EVPL: variants seen among roughly 807,000 people sequenced by gnomAD.
EVPL encodes the protein envoplakin.
A neutral mutation model predicts 129.7 loss-of-function variants in EVPL; 94 were observed. That is an observed-to-expected ratio of 0.72 (90% CI 0.61 to 0.86). The LOEUF (loss-of-function observed/expected upper bound fraction) is 0.86, where lower values mean the gene tolerates loss of function less well. EVPL is among the 40% of genes least tolerant of loss of function. The pLI is 0.00. For synonymous variants in EVPL, 1,172 were observed against 1,191.1 expected, an observed-to-expected ratio of 0.98 and a Z score of 0.33; for missense variants, 2,625 against 2,721.1, an observed-to-expected ratio of 0.96 and a Z score of 0.79.
At position 76,023,622 on chromosome 17, in the gene EVPL, C is replaced by T; in HGVS notation, c.231G>A (p.Leu77=). ...TGCGGCCCGTCTCCTGCTGGTGCTGCAGGGCCTGGCTCTGCTCACTGTTCA... is the reference window on the plus strand; with the variant it reads ...TGCGGCCCGTCTCCTGCTGGTGCTGTAGGGCCTGGCTCTGCTCACTGTTCA... ...DRLNSEQSQA[L]QHQQETGRSL... The change falls in exon 3 of 22, where the codon CTG becomes CTA. Residue 77 remains leucine (L), a synonymous_variant. Transcript: ENST00000301607. The T allele has an allele frequency of 1.9e-6, 3 of 1,602,242 alleles. No individual in the cohort carries two copies. Among genetic ancestry groups the T allele is most frequent in the Non-Finnish European group, 2.6e-6 (3 of 1,175,368 alleles).
At position 76,010,427 on chromosome 17, in the gene EVPL, C is replaced by T. The variant is rs774884145; in HGVS notation, c.2778G>A (p.Lys926=). Residue 926 remains lysine (K), a synonymous_variant, in exon 22 of 22, where the codon AAG becomes AAA. Coordinates refer to ENST00000301607, the MANE Select transcript of EVPL (RefSeq NM_001988.4). The part of the protein sequence containing the change: ...ALKAQLEEER[K]RVARVQHELE... ...GCTCATGCTGCACCCGGGCCACCCG[C>T]TTCCTCTCCTCTTCCAGCTGGGCCT... 11 of 1,613,936 alleles carry T rather than the reference C, an allele frequency of 6.8e-6. No homozygotes were observed. Among genetic ancestry groups the T allele is most frequent in the Admixed American group, 6.7e-5 (4 of 60,006 alleles).
At position 76,023,313 on chromosome 17, in the gene EVPL, T is replaced by C; in HGVS notation, c.459A>G (p.Ala153=). The C allele has an allele frequency of 6.2e-7, 1 of 1,613,966 alleles. No individual in the cohort carries two copies. Among genetic ancestry groups the C allele is most frequent in the Non-Finnish European group, 8.5e-7 (1 of 1,180,006 alleles). Residue 153 remains alanine (A), a synonymous_variant, in exon 4 of 22, where the codon GCA becomes GCG. Transcript: ENST00000301607. The part of the protein sequence containing the change: ...PPDVGPRVDW[A]RVLEQKQKQV... Reference sequence around the variant, plus strand: ...TGACCTGTTTCTGCTCCAGCACGCGTGCCCAGTCGACCCTGGGTCCCACGT... The same window carrying C: ...TGACCTGTTTCTGCTCCAGCACGCGCGCCCAGTCGACCCTGGGTCCCACGT...
Position 76,008,239 on chromosome 17 carries a change from CCTT to C in EVPL, c.4963_4965del (p.Lys1655del), listed in dbSNP as rs769379446. 10 of 1,613,712 alleles carry C rather than the reference CCTT, an allele frequency of 6.2e-6. No homozygotes were observed. The East Asian group carries it at 1.1e-4, about 18-fold the overall frequency. On this transcript the variant is annotated inframe_deletion, in exon 22 of 22. Coordinates refer to ENST00000301607, the MANE Select transcript of EVPL (RefSeq NM_001988.4). This position sits in a 1 kb window ranked among gnomAD's most constrained non-coding sequence, Gnocchi z 7.4. ...GCGTGGAGGTCCCGGAGCGTCCGCT[CCTT>C]CTCGTAGATCTGGTCCTTCTCGCGG...
chr17:76,015,422 G>A (rs771099435), intron 15 of EVPL, 28 bp downstream of exon 15: 2 of 1,606,544 alleles, frequency 1.2e-6, no homozygotes, highest in South Asian at 1.1e-5. Context: ...GCTGCCCTGC[G>A]TGGCTGCCCT....
At position 76,007,422 on chromosome 17, in the gene EVPL, C is replaced by CG; in HGVS notation, c.5782dup (p.Arg1928ProfsTer39). On this transcript the variant is annotated frameshift_variant, in exon 22 of 22. Coordinates refer to ENST00000301607, the MANE Select transcript of EVPL (RefSeq NM_001988.4). LOFTEE classifies it low-confidence loss of function (END_TRUNC). The surrounding 1 kb of genome is among the most constrained non-coding windows in gnomAD (Gnocchi z 8.8). Reference sequence around the variant, plus strand: ...CTGCAGGTGTGGGAGCACGCTCTCCCGGGGCATCCAGCCCTTCTGGACGGC... The same window carrying CG: ...CTGCAGGTGTGGGAGCACGCTCTCCCGGGGGCATCCAGCCCTTCTGGACGGC... 1 of 1,605,992 alleles carries CG rather than the reference C, an allele frequency of 6.2e-7. No homozygotes were observed. Among genetic ancestry groups the CG allele is most frequent in the Non-Finnish European group, 8.5e-7 (1 of 1,175,896 alleles).
chr17:76,010,693 G>A (rs554809954), intron 21 of EVPL, 150 bp from the exon 22 acceptor site: 2 of 852,716 alleles, frequency 2.3e-6, no homozygotes, highest in Middle Eastern at 3.0e-4. Context: ...CTTGGATATA[G>A]GATTTTGAGA....
In EVPL at chr17:76,015,114, AGGAGGAGG is replaced by A. The variant is rs748505665; in HGVS notation, c.2029-13_2029-6del. 38 of 1,572,014 alleles carry A rather than the reference AGGAGGAGG, an allele frequency of 2.4e-5. No individual in the cohort carries two copies. Among genetic ancestry groups the A allele is most frequent in the Non-Finnish European group, 3.0e-5 (35 of 1,158,454 alleles). ...CAGCAGCTCCCTCCGCTGGCGCTGCAGGAGGAGGGGACGCAGCCGTGCACCCTCGTGGC... is the reference window on the plus strand; with the variant it reads ...CAGCAGCTCCCTCCGCTGGCGCTGCAGGACGCAGCCGTGCACCCTCGTGGC... On this transcript the variant is annotated splice_region_variant and splice_polypyrimidine_tract_variant and intron_variant, in intron 16 of 21. Transcript: ENST00000301607.
chr17:76,020,447 T>C (rs2066449637), intron 9 of EVPL, among the ~76,000 whole-genome samples: 1 of 152,226 alleles, frequency 6.6e-6, no homozygotes, highest in African/African-American at 2.4e-5. Flanking sequence ...GGAGCTGCAC[T>C]TGTCCCAGCC....
In EVPL at chr17:76,008,867, G is replaced by C; in HGVS notation, c.4338C>G (p.Ile1446Met). Residue 1446 changes from isoleucine (I) to methionine (M), a missense_variant, in exon 22 of 22, where the codon ATC becomes ATG. By Grantham distance (10) the Ile-to-Met change is conservative. This residue lies in a region of EVPL where 1,453 missense variants were observed against 1,511.8 expected (regional missense o/e 0.96). Coordinates refer to ENST00000301607, the MANE Select transcript of EVPL (RefSeq NM_001988.4). This position sits in a 1 kb window ranked among gnomAD's most constrained non-coding sequence, Gnocchi z 7.4. ...TGGGAGGCCGCTTCTCGAGCTCCTG[G>C]ATCCTCAAGGTCAGCTGCCGCAGCT... ...ERELRQLTLRIQELEKRPPTV... is the reference protein window; with the variant it reads ...ERELRQLTLRMQELEKRPPTV... 1.2e-6 allele frequency: 2 copies of C among 1,613,922 alleles called. No individual in the cohort carries two copies. Among genetic ancestry groups the C allele is most frequent in the Non-Finnish European group, 1.7e-6 (2 of 1,179,990 alleles).
chr17:76,027,029 T>G (rs897153409), intron 1 of EVPL, 72 bp downstream of exon 1: 2 of 932,964 alleles, frequency 2.1e-6, no homozygotes, highest in African/African-American at 1.8e-5. Flanking sequence ...CGCCGCCAGG[T>G]GGCTCAAGGA....
In EVPL at chr17:76,007,843, A is replaced by G. The variant is rs759393603; in HGVS notation, c.5362T>C (p.Ser1788Pro). ...ATGATAGAGCCGATGGAGAGTGAGGAGCTTGGCTTGGTCTCCCCAGCTACA... is the reference window on the plus strand; with the variant it reads ...ATGATAGAGCCGATGGAGAGTGAGGGGCTTGGCTTGGTCTCCCCAGCTACA... ...LLVAGETKPS[S>P]SLSIGSIISK... Residue 1788 changes from serine to proline, a missense_variant, in exon 22 of 22, where the codon TCC (serine) becomes CCC (proline). This residue lies in a region of EVPL where 1,453 missense variants were observed against 1,511.8 expected (regional missense o/e 0.96). Transcript: ENST00000301607. This position sits in a 1 kb window ranked among gnomAD's most constrained non-coding sequence, Gnocchi z 8.8. 29 of 1,611,792 alleles carry G rather than the reference A, an allele frequency of 1.8e-5. 1 individual carries two copies. In the South Asian group the frequency reaches 3.1e-4, roughly 17 times the overall value.
At chr17:76,016,951 G>T (rs1006103142) in intron 14 of EVPL, among the ~76,000 whole-genome samples, 1 of 150,926 alleles carries the variant, frequency 6.6e-6, no homozygotes, top group Admixed American at 6.6e-5. Context: ...GGTGGCTCAC[G>T]CCTGTAATCC....
At position 76,024,097 on chromosome 17, in the gene EVPL, A is replaced by C. The variant is rs1488779477; in HGVS notation, c.122T>G (p.Leu41Arg). The change falls in exon 2 of 22, where the codon CTT (leucine) becomes CGT (arginine). Residue 41 changes from leucine to arginine, a missense_variant. Around this residue, in one of 4 missense-constraint regions of EVPL, gnomAD observed 139 missense variants for 186.8 expected, o/e 0.74. Transcript: ENST00000301607. This position sits in a 1 kb window ranked among gnomAD's most constrained non-coding sequence, Gnocchi z 4.5. ...GTTGGCTTGCATGCGGGAGATGAGA[A>C]GGGCCAGCTCCTGGGTGGCAGCCCT... ...HSRAATQELALLISRMQANAD... is the reference protein window; with the variant it reads ...HSRAATQELARLISRMQANAD... 1 of 1,613,810 alleles carries C rather than the reference A, an allele frequency of 6.2e-7. No homozygotes were observed.
intron 18 of EVPL, 89 bp downstream of exon 18, chr17:76,014,337 C>A: frequency 6.7e-7 from 1 of 1,482,536 alleles, no homozygotes; most frequent in South Asian, 1.3e-5. Context: ...CCTCCGTGGC[C>A]TGGGCTTTGA....
At position 76,018,196 on chromosome 17, in the gene EVPL, GC is replaced by G; in HGVS notation, c.1501del (p.Ala501ProfsTer28). On this transcript the variant is annotated frameshift_variant, in exon 13 of 22. Transcript: ENST00000301607. LOFTEE classifies it high-confidence loss of function. ...KLATVQSRLKASAVESLRPSQ... is the reference protein window; with the variant it reads ...KLATVQSRLKXSAVESLRPSQ... The stretch of plus-strand genomic sequence containing the variant: ...GGGCCGAAGAGACTCCACAGCACTG[GC>G]CTTCAGGCGGCTCTGGACTGTGGCC... 2 of 1,551,126 alleles carry G rather than the reference GC, an allele frequency of 1.3e-6. No homozygotes were observed. Among genetic ancestry groups the G allele is most frequent in the Non-Finnish European group, 1.7e-6 (2 of 1,146,902 alleles).
At chr17:76,014,339 G>A in intron 18 of EVPL, 87 bp downstream of exon 18, 1 of 1,484,892 alleles carries the variant, frequency 6.7e-7, no homozygotes, top group Non-Finnish European at 8.9e-7. Flanking sequence ...TCCGTGGCCT[G>A]GGCTTTGAAG....
intron 1 of EVPL, among the ~76,000 whole-genome samples, chr17:76,025,210 A>G (rs1177572885): frequency 6.6e-6 from 1 of 152,232 alleles, no homozygotes; most frequent in Non-Finnish European, 1.5e-5. Flanking sequence ...GTGAGCATTA[A>G]TTGAATTTAT....
intron 7 of EVPL, 31 bp downstream of exon 7, chr17:76,021,836 C>T: frequency 3.8e-6 from 6 of 1,564,582 alleles, no homozygotes; most frequent in Non-Finnish European, 5.2e-6. Context: ...CCCTGGCCGC[C>T]CCCACCTGGC....
chr17:76,009,931 C>A lies in EVPL; in HGVS notation c.3274G>T (p.Ala1092Ser). 2 of 1,614,164 alleles carry A rather than the reference C, an allele frequency of 1.2e-6. No homozygotes were observed. The highest frequency in any genetic ancestry group is 1.1e-5 in the South Asian group (1 of 91,082). ...TCCATCTGCAGCCTCAGAGCCTGGG[C>A]TGCCTTGACCATTTCCAGATTCTTC... ...VEKNLEMVKA[A>S]QALRLQMEED... Residue 1092 changes from alanine to serine, a missense_variant, in exon 22 of 22, where the codon GCC (alanine) becomes TCC (serine). By Grantham distance (99) the Ala-to-Ser change is moderately conservative (BLOSUM62 1). Coordinates refer to ENST00000301607, the MANE Select transcript of EVPL (RefSeq NM_001988.4). This position sits in a 1 kb window ranked among gnomAD's most constrained non-coding sequence, Gnocchi z 5.9.
Sources: gnomAD v4.1 joint callset for allele counts (sites outside exome capture counted in the v4.1 genomes callset) on GRCh38, gnomAD v4.1.1 for gene constraint, gnomAD v4.1.1 regional missense constraint, Gnocchi (gnomAD v3.1) non-coding constraint, MANE v1.5 for transcripts, NCBI Gene and HGNC (gene_info 2026-07-23, HGNC 2026-07-21) for gene names.